Variants in AURKA observed in about 807,000 individuals in gnomAD.
AURKA encodes aurora 2.
AURKA carries 12 observed loss-of-function variants against 40.9 expected under a neutral mutation model. That is an observed-to-expected ratio of 0.29 (90% CI 0.19 to 0.48). The LOEUF is 0.48. AURKA is among the 20% of genes least tolerant of loss of function. The pLI is 0.99. For synonymous variants in AURKA, 170 were observed against 164.3 expected (o/e 1.03, Z -0.26); for missense variants, 322 against 462.1 (o/e 0.70, Z 2.78).
intron 6 of AURKA, among the ~76,000 whole-genome samples, chr20:56,378,308 C>G (rs1248770216): frequency 6.6e-6 from 1 of 152,194 alleles, no homozygotes; most frequent in Admixed American, 6.5e-5. Flanking sequence ...CCAACTTTAT[C>G]AATTAGAGTG....
intron 2 of AURKA, among the ~76,000 whole-genome samples, chr20:56,387,106 CAA>C (rs746058216): frequency 4.6e-5 from 7 of 152,046 alleles, no homozygotes; most frequent in African/African-American, 7.2e-5. Context: ...AAAAAACTGA[CAA>C]AGAGGAAACA....
chr20:56,389,081 C>T (rs967602316), intron 1 of AURKA, among the ~76,000 whole-genome samples: 1 of 152,190 alleles, frequency 6.6e-6, no homozygotes, highest in East Asian at 1.9e-4. Context: ...AGGTTGATCA[C>T]ATCTTACACT....
At chr20:56,384,026 A>G (rs1340204945) in intron 4 of AURKA, among the ~76,000 whole-genome samples, 3 of 152,248 alleles carry the variant, frequency 2.0e-5, no homozygotes, top group Admixed American at 6.5e-5. Flanking sequence ...ACACATTTCT[A>G]TAAAAGATTC....
Position 56,370,094 on chromosome 20 carries a change from G to A in AURKA, c.*64C>T, listed in dbSNP as rs1983906141. On this transcript the variant is annotated 3_prime_UTR_variant, in exon 9 of 9. Transcript: ENST00000395915. ...GCAGTCAATGGTAAAATAAACTTCAGTAGCATGTTCCTGTCAGGTTATATG... is the reference window on the plus strand; with the variant it reads ...GCAGTCAATGGTAAAATAAACTTCAATAGCATGTTCCTGTCAGGTTATATG... 2 of 1,581,546 alleles carry A rather than the reference G, an allele frequency of 1.3e-6. No homozygotes were observed. The highest frequency in any genetic ancestry group is 2.2e-5 in the East Asian group (1 of 44,742).
At position 56,370,071 on chromosome 20, in the gene AURKA, A is replaced by C. The variant is rs1983902664; in HGVS notation, c.*87T>G. 2 of 1,496,452 alleles carry C rather than the reference A, an allele frequency of 1.3e-6. No individual in the cohort carries two copies. The highest frequency in any genetic ancestry group is 2.8e-5 in the African/African-American group (2 of 72,500). 92.7% of individuals were successfully genotyped at this position (1,496,452 alleles called of 1,614,324 possible). On this transcript the variant is annotated 3_prime_UTR_variant, in exon 9 of 9. Transcript: ENST00000395915. ...TGTAGCGTTCTAGATTGAGGGCAGC[A>C]GTCAATGGTAAAATAAACTTCAGTA...
intron 6 of AURKA, among the ~76,000 whole-genome samples, chr20:56,374,768 C>A (rs1303454112): frequency 6.6e-6 from 1 of 152,120 alleles, no homozygotes; most frequent in East Asian, 1.9e-4. Flanking sequence ...GTTTTCCTGG[C>A]CAGGTGCAGT....
intron 2 of AURKA, among the ~76,000 whole-genome samples, 163 bp downstream of exon 2, chr20:56,387,993 C>A (rs1472421519): frequency 8.7e-5 from 6 of 68,614 alleles, no homozygotes; most frequent in African/African-American, 2.1e-4. Context: ...CTCTAAGAAG[C>A]AGCAAAATGT....
chr20:56,373,326 A>G lies in AURKA; in HGVS notation c.854+82T>C. 6 of 1,601,520 alleles carry G rather than the reference A, an allele frequency of 3.7e-6. No individual in the cohort carries two copies. Among genetic ancestry groups the G allele is most frequent in the Non-Finnish European group, 4.3e-6 (5 of 1,170,558 alleles). ...ACCCCTCTTACAGCACAAAATCTAC[A>G]CTGAAATATTTTACATTTAGCTCAC... On this transcript the variant is annotated intron_variant, in intron 7 of 8. Coordinates refer to ENST00000395915, the MANE Select transcript of AURKA (RefSeq NM_198437.3). The surrounding 1 kb of genome is among the most constrained non-coding windows in gnomAD (Gnocchi z 5.0).
chr20:56,384,148 T>TATTTGCA (rs1986074017), intron 4 of AURKA, 122 bp downstream of exon 4: 2 of 708,360 alleles, frequency 2.8e-6, no homozygotes, highest in Non-Finnish European at 4.7e-6. Context: ...CTGGAAACAT[T>TATTTGCA]TATATCCTCT....
Position 56,370,119 on chromosome 20 carries a change from G to A in AURKA, c.*39C>T. The A allele has an allele frequency of 1.2e-6, 2 of 1,609,086 alleles. No individual in the cohort carries two copies. The highest frequency in any genetic ancestry group is 1.1e-5 in the South Asian group (1 of 90,908). On this transcript the variant is annotated 3_prime_UTR_variant, in exon 9 of 9. Transcript: ENST00000395915. ...GTAGCATGTTCCTGTCAGGTTATAT[G>A]GCAGCCCTGGCTCAAGGATTTCTCC...
chr20:56,372,926 G>C (rs1984457852), intron 7 of AURKA, among the ~76,000 whole-genome samples: 1 of 152,226 alleles, frequency 6.6e-6, no homozygotes, highest in South Asian at 2.1e-4. Context: ...AGACTGAAGA[G>C]AATCTCTCAC....
chr20:56,373,329 G>A lies in AURKA; in HGVS notation c.854+79C>T. 4 of 1,603,570 alleles carry A rather than the reference G, an allele frequency of 2.5e-6. No individual in the cohort carries two copies. Among genetic ancestry groups the A allele is most frequent in the Non-Finnish European group, 3.4e-6 (4 of 1,172,356 alleles). On this transcript the variant is annotated intron_variant, in intron 7 of 8. Transcript: ENST00000395915. This position sits in a 1 kb window ranked among gnomAD's most constrained non-coding sequence, Gnocchi z 5.0. ...CCTCTTACAGCACAAAATCTACACT[G>A]AAATATTTTACATTTAGCTCACGGT...
intron 1 of AURKA, among the ~76,000 whole-genome samples, chr20:56,389,743 T>TC (rs2146218503): frequency 6.6e-6 from 1 of 152,282 alleles, no homozygotes; most frequent in African/African-American, 2.4e-5. Context: ...CATCCTCATC[T>TC]CAGTGCATGG....
Position 56,370,098 on chromosome 20 carries a change from C to A in AURKA, c.*60G>T, listed in dbSNP as rs1983907489. 6.3e-7 allele frequency: 1 copy of A among 1,585,462 alleles called. No homozygotes were observed. The highest frequency in any genetic ancestry group is 8.7e-7 in the Non-Finnish European group (1 of 1,155,966). ...TCAATGGTAAAATAAACTTCAGTAG[C>A]ATGTTCCTGTCAGGTTATATGGCAG... On this transcript the variant is annotated 3_prime_UTR_variant, in exon 9 of 9. Coordinates refer to ENST00000395915, the MANE Select transcript of AURKA (RefSeq NM_198437.3).
chr20:56,371,476 T>A (rs545374027), intron 7 of AURKA, among the ~76,000 whole-genome samples: 2,936 of 114,426 alleles, frequency 0.026, 41 homozygotes, highest in Non-Finnish European at 0.041. Flanking sequence ...AAAAAAAAAA[T>A]TTTCTTAACC....
rs1485720635 is a variant in AURKA, at chr20:56,369,460, T to G, written c.*698A>C. 1 of 235,718 alleles carries G rather than the reference T, an allele frequency of 4.2e-6. No homozygotes were observed. The highest frequency in any genetic ancestry group is 2.2e-5 in the African/African-American group (1 of 45,296). The allele number at this position is 235,718 out of a possible 1,614,324, so 14.6% of individuals were successfully genotyped here. A position where few individuals can be genotyped will look rare whatever the true frequency, so the allele number is the denominator to read the frequency against. On this transcript the variant is annotated 3_prime_UTR_variant, in exon 9 of 9. Coordinates refer to ENST00000395915, the MANE Select transcript of AURKA (RefSeq NM_198437.3). Reference sequence around the variant, plus strand: ...CTATGACTCCAATGTTTTAAAAAAATAAGCCCTTAACAGCTCTGAGACACA... The same window carrying G: ...CTATGACTCCAATGTTTTAAAAAAAGAAGCCCTTAACAGCTCTGAGACACA...
rs542069870 is a variant in AURKA, at chr20:56,383,905, T to C, written c.374+365A>G. ...AAACCCTCAGTCATATATGAGTATA[T>C]AGTTCTGCAACATATTCTATTTTTT... On this transcript the variant is annotated intron_variant, in intron 4 of 8. Transcript: ENST00000395915. Among the ~76,000 whole-genome samples the C allele has an allele frequency of 2.6e-3, 401 of 152,340 alleles. 1 individual carries two copies. Among genetic ancestry groups the C allele is most frequent in the Non-Finnish European group, 4.0e-3 (271 of 68,026 alleles).
At chr20:56,379,199 A>G (rs1433935296) in intron 6 of AURKA, among the ~76,000 whole-genome samples, 2 of 152,230 alleles carry the variant, frequency 1.3e-5, no homozygotes, top group Non-Finnish European at 2.9e-5. Context: ...GGAAGTGCAC[A>G]TAAGCACTCT....
intron 1 of AURKA, 192 bp from the exon 2 acceptor site, chr20:56,388,394 G>A (rs751206007): frequency 3.2e-6 from 2 of 620,206 alleles, no homozygotes; most frequent in Non-Finnish European, 5.7e-6. Flanking sequence ...CCTCCCCTTG[G>A]GCACTGCGTC....
Sources: allele counts gnomAD v4.1 joint callset (sites outside exome capture counted in the v4.1 genomes callset), GRCh38; gene constraint gnomAD v4.1.1; non-coding constraint Gnocchi (gnomAD v3.1); transcripts MANE v1.5; gene names NCBI Gene and HGNC (gene_info 2026-07-23, HGNC 2026-07-21).